Variants in PCDHGC3 observed in about 807,000 individuals in gnomAD.
PCDHGC3 encodes the protein protocadherin gamma subfamily C, 3, also known as protocadherin gamma-C3.
In PCDHGC3, 26 loss-of-function variants were observed where a neutral mutation model predicts 59.2. That is an observed-to-expected ratio of 0.44 (90% CI 0.32 to 0.61). The LOEUF is 0.61. PCDHGC3 is among the 20% of genes least tolerant of loss of function. The pLI is 0.05. For synonymous variants in PCDHGC3, 487 were observed against 519.7 expected (o/e 0.94, Z 0.86); for missense variants, 1,080 against 1,221.8 (o/e 0.88, Z 1.73).
chr5:141,496,839 A>G (rs2099771783), intron 2 of PCDHGC3, among the ~76,000 whole-genome samples: 1 of 151,484 alleles, frequency 6.6e-6, no homozygotes. Flanking sequence ...CAGAACTCAT[A>G]GGCTTCCAGA....
At position 141,486,218 on chromosome 5, in the gene PCDHGC3, T is replaced by A. The variant is rs1467104398; in HGVS notation, c.2430+7672T>A. The A allele has an allele frequency of 2.5e-6, 4 of 1,614,004 alleles. No homozygotes were observed. The African/African-American group carries it at 5.3e-5, about 22-fold the overall frequency. On this transcript the variant is annotated intron_variant, in intron 1 of 3. Transcript: ENST00000308177. The surrounding 1 kb of genome is among the most constrained non-coding windows in gnomAD (Gnocchi z 5.0). ...GCTGGACGTAAATGACAATGCCCCT[T>A]ACATCACAGTGACCTCAGAGCTTGG...
At chr5:141,494,676 CT>C (rs2099756021) in intron 1 of PCDHGC3, 130 bp from the exon 2 acceptor site, 6 of 1,550,918 alleles carry the variant, frequency 3.9e-6, no homozygotes, top group Non-Finnish European at 4.4e-6. Context: ...GAGTCCACCC[CT>C]GCCCCCTCTT....
chr5:141,478,941 A>G (rs889484528), intron 1 of PCDHGC3: 2 of 589,470 alleles, frequency 3.4e-6, no homozygotes, highest in Non-Finnish European at 5.6e-6. Context: ...TTCTAGGAAT[A>G]CAAAAACTAC....
chr5:141,478,214 C>T lies in PCDHGC3; in HGVS notation c.2098C>T (p.Leu700=), dbSNP rs1258200424. 6.2e-7 allele frequency: 1 copy of T among 1,614,140 alleles called. No individual in the cohort carries two copies. The highest frequency in any genetic ancestry group is 1.7e-5 in the Admixed American group (1 of 60,034). The change falls in exon 1 of 4, where the codon CTG becomes TTG. Residue 700 remains leucine (L), a synonymous_variant. Transcript: ENST00000308177. ...CTTTTATCTACTTCTTTCTCTAATC[C>T]TGGTTTCTGTGGGGTTTGTGGTCAC... The part of the protein sequence containing the change: ...LTFYLLLSLI[L]VSVGFVVTVF...
At chr5:141,507,810 G>C (rs550331241) in intron 3 of PCDHGC3, among the ~76,000 whole-genome samples, 5 of 152,172 alleles carry the variant, frequency 3.3e-5, no homozygotes, top group Non-Finnish European at 2.9e-5. Context: ...CCTGGGGAAC[G>C]GACCCTGGGG....
At chr5:141,505,296 G>A (rs1174492966) in intron 2 of PCDHGC3, 97 bp from the exon 3 acceptor site, 1 of 1,584,850 alleles carries the variant, frequency 6.3e-7, no homozygotes, top group Non-Finnish European at 8.6e-7. Context: ...ATGGGGTAGG[G>A]TTAGGGTACT....
rs2099710385 is a variant in PCDHGC3 at position 141,491,296 on chromosome 5, G to A, written c.2431-3511G>A. 6.2e-7 allele frequency: 1 copy of A among 1,614,034 alleles called. No individual in the cohort carries two copies. Among genetic ancestry groups the A allele is most frequent in the African/African-American group, 1.3e-5 (1 of 74,924 alleles). Reference sequence around the variant, plus strand: ...CAGTGACTTCCTCATACACCCTCCTGAGCGTTCAGACCTTACCCTTTACCT... The same window carrying A: ...CAGTGACTTCCTCATACACCCTCCTAAGCGTTCAGACCTTACCCTTTACCT... On this transcript the variant is annotated intron_variant, in intron 1 of 3. Transcript: ENST00000308177. The surrounding 1 kb of genome is among the most constrained non-coding windows in gnomAD (Gnocchi z 6.9).
At position 141,477,811 on chromosome 5, in the gene PCDHGC3, C is replaced by T. The variant is rs1211574518; in HGVS notation, c.1695C>T (p.Pro565=). The T allele has an allele frequency of 6.2e-7, 1 of 1,614,164 alleles. No homozygotes were observed. The highest frequency in any genetic ancestry group is 8.5e-7 in the Non-Finnish European group (1 of 1,180,026). ...IFVTDRNDNA[P]QVLYPRPGGS... ...TCACTGATCGCAATGACAATGCCCC[C>T]CAGGTCCTATATCCTCGGCCAGGTG... is the stretch of plus-strand genomic sequence containing the variant. The change falls in exon 1 of 4, where the codon CCC becomes CCT. Residue 565 remains proline, a synonymous_variant. Transcript: ENST00000308177. The surrounding 1 kb of genome is among the most constrained non-coding windows in gnomAD (Gnocchi z 4.9).
chr5:141,484,867 G>C lies in PCDHGC3; in HGVS notation c.2430+6321G>C, dbSNP rs573580017. The C allele has an allele frequency of 1.8e-5, 5 of 282,560 alleles. No homozygotes were observed. The Admixed American group carries it at 1.9e-4, about 11-fold the overall frequency. The allele number at this position is 282,560 out of a possible 1,614,324, so 17.5% of individuals were successfully genotyped here. A position where few individuals can be genotyped will look rare whatever the true frequency, so the allele number is the denominator to read the frequency against. ...TGGGTTTTTTGGGGGGTGGGGGAGC[G>C]TGGAGGATAGGGTGGGCTTTTTCCC... On this transcript the variant is annotated intron_variant, in intron 1 of 3. Coordinates refer to ENST00000308177, the MANE Select transcript of PCDHGC3 (RefSeq NM_002588.4).
chr5:141,491,666 G>T lies in PCDHGC3; in HGVS notation c.2431-3141G>T, dbSNP rs373526771. Reference sequence around the variant, plus strand: ...CTGGCGCTGGAGCCTGACGCCATCCGGTCCCGCTCTAATACGCTGCGGGAG... The same window carrying T: ...CTGGCGCTGGAGCCTGACGCCATCCTGTCCCGCTCTAATACGCTGCGGGAG... On this transcript the variant is annotated intron_variant, in intron 1 of 3. Transcript: ENST00000308177. This position sits in a 1 kb window ranked among gnomAD's most constrained non-coding sequence, Gnocchi z 6.9. 1.2e-6 allele frequency: 2 copies of T among 1,613,732 alleles called. No homozygotes were observed. Among genetic ancestry groups the T allele is most frequent in the Non-Finnish European group, 1.7e-6 (2 of 1,180,008 alleles).
chr5:141,491,243 ATGAGGACCC>A lies in PCDHGC3; in HGVS notation c.2431-3557_2431-3549del. 1 of 1,614,200 alleles carries A rather than the reference ATGAGGACCC, an allele frequency of 6.2e-7. No individual in the cohort carries two copies. Among genetic ancestry groups the A allele is most frequent in the African/African-American group, 1.3e-5 (1 of 75,056 alleles). ...GCCACAGTGCTGCTGGTTCTGGAGG[ATGAGGACCC>A]TGAGGAAATGCCCAAATCCAGTGAC... On this transcript the variant is annotated intron_variant, in intron 1 of 3. Coordinates refer to ENST00000308177, the MANE Select transcript of PCDHGC3 (RefSeq NM_002588.4). This position sits in a 1 kb window ranked among gnomAD's most constrained non-coding sequence, Gnocchi z 6.9.
At position 141,512,644 on chromosome 5, in the gene PCDHGC3, G is replaced by T. The variant is rs1283774989; in HGVS notation, c.*1471G>T. Reference sequence around the variant, plus strand: ...ACCCCAGACCTGCCCTTACAGTAGTGTAGCGCCCCCTCCCTCTTTCGGCTG... The same window carrying T: ...ACCCCAGACCTGCCCTTACAGTAGTTTAGCGCCCCCTCCCTCTTTCGGCTG... On this transcript the variant is annotated 3_prime_UTR_variant, in exon 4 of 4. Coordinates refer to ENST00000308177, the MANE Select transcript of PCDHGC3 (RefSeq NM_002588.4). 1 of 152,528 alleles carries T rather than the reference G, an allele frequency of 6.6e-6. No individual in the cohort carries two copies. The allele number at this position is 152,528 out of a possible 1,614,324, so 9.4% of individuals were successfully genotyped here.
Position 141,485,210 on chromosome 5 carries a change from C to G in PCDHGC3, c.2430+6664C>G. 2 of 1,614,058 alleles carry G rather than the reference C, an allele frequency of 1.2e-6. No individual in the cohort carries two copies. The highest frequency in any genetic ancestry group is 1.7e-6 in the Non-Finnish European group (2 of 1,179,934). On this transcript the variant is annotated intron_variant, in intron 1 of 3. Transcript: ENST00000308177. The surrounding 1 kb of genome is among the most constrained non-coding windows in gnomAD (Gnocchi z 5.7). ...GGTGAGAAGCTGGACAGAAATCTGG[C>G]GGTGGGCTACCCTTTTGTTCCTCTT...
At chr5:141,478,708 A>G (rs1394463788) in intron 1 of PCDHGC3, 162 bp downstream of exon 1, 31 of 1,548,072 alleles carry the variant, frequency 2.0e-5, no homozygotes, top group Non-Finnish European at 2.5e-5. Context: ...TGCCTTTGTG[A>G]GATGGTGGCC....
At chr5:141,488,620 C>A (rs1271344928) in intron 1 of PCDHGC3, among the ~76,000 whole-genome samples, 1 of 152,164 alleles carries the variant, frequency 6.6e-6, no homozygotes, top group East Asian at 1.9e-4. Context: ...CTAATCTTTT[C>A]TCTCACCTTA....
At chr5:141,500,094 A>C (rs2099796337) in intron 2 of PCDHGC3, among the ~76,000 whole-genome samples, 1 of 151,860 alleles carries the variant, frequency 6.6e-6, no homozygotes, top group South Asian at 2.1e-4. Context: ...CCATTTTTGC[A>C]ATTTATTTGT....
rs1165828230 is a variant in PCDHGC3, at chr5:141,511,464, C to T, written c.*291C>T. On this transcript the variant is annotated 3_prime_UTR_variant, in exon 4 of 4. Coordinates refer to ENST00000308177, the MANE Select transcript of PCDHGC3 (RefSeq NM_002588.4). ...ACACCAAGAACCATTTGCCACACCCCGTTTAGTTACAGCTGAACTCCTCCA... is the reference window on the plus strand; with the variant it reads ...ACACCAAGAACCATTTGCCACACCCTGTTTAGTTACAGCTGAACTCCTCCA... 9 of 538,254 alleles carry T rather than the reference C, an allele frequency of 1.7e-5. No individual in the cohort carries two copies. The highest frequency in any genetic ancestry group is 7.8e-5 in the East Asian group (2 of 25,720). 33.3% of individuals were successfully genotyped at this position (538,254 alleles called of 1,614,324 possible).
chr5:141,510,825 G>C, intron 3 of PCDHGC3, 122 bp from the exon 4 acceptor site: 2 of 1,566,486 alleles, frequency 1.3e-6, no homozygotes, highest in Non-Finnish European at 1.7e-6. Flanking sequence ...TATATTCCCA[G>C]TGCTCAGCGT....
chr5:141,478,799 CTT>C, intron 1 of PCDHGC3: 1 of 1,463,738 alleles, frequency 6.8e-7, no homozygotes, highest in Non-Finnish European at 9.0e-7. Flanking sequence ...CCTCAGCACT[CTT>C]TTGCTATCAC....
Sources: allele counts gnomAD v4.1 joint callset (sites outside exome capture counted in the v4.1 genomes callset), GRCh38; gene constraint gnomAD v4.1.1; non-coding constraint Gnocchi (gnomAD v3.1); transcripts MANE v1.5; gene names NCBI Gene and HGNC (gene_info 2026-07-23, HGNC 2026-07-21).